ERLEC1: variants seen among roughly 807,000 people sequenced by gnomAD.
ERLEC1 encodes ER lectin.
ERLEC1 carries 47 observed loss-of-function variants against 68.0 expected under a neutral mutation model. That is an observed-to-expected ratio of 0.69 (90% CI 0.55 to 0.88). ERLEC1 has a LOEUF of 0.88. Among genes scored for constraint, ERLEC1 ranks in the 40% least tolerant of loss-of-function variants. The pLI, the probability that ERLEC1 is intolerant of heterozygous loss-of-function variation, is 0.00. For synonymous variants in ERLEC1, 225 were observed against 203.2 expected, an observed-to-expected ratio of 1.11 and a Z score of -0.91; for missense variants, 567 against 583.8, an observed-to-expected ratio of 0.97 and a Z score of 0.30.
chr2:53,817,306 T>C (rs1198564590), intron 13 of ERLEC1, among the ~76,000 whole-genome samples: 2 of 152,188 alleles, frequency 1.3e-5, no homozygotes, highest in East Asian at 3.9e-4. Flanking sequence ...GCTAATTTTT[T>C]GTATTTTTAG....
chr2:53,813,254 A>G (rs758869828), intron 11 of ERLEC1, among the ~76,000 whole-genome samples, 181 bp downstream of exon 11: 1 of 152,200 alleles, frequency 6.6e-6, no homozygotes, highest in Non-Finnish European at 1.5e-5. Flanking sequence ...TTCAGAGCAC[A>G]GTCCCTGGAG....
intron 8 of ERLEC1, among the ~76,000 whole-genome samples, chr2:53,803,162 A>C (rs933333881): frequency 6.6e-6 from 1 of 152,214 alleles, no homozygotes; most frequent in Non-Finnish European, 1.5e-5. Context: ...ACCAGAAGGC[A>C]GAAGAAACAT....
intron 1 of ERLEC1, among the ~76,000 whole-genome samples, chr2:53,791,328 G>A (rs981230993): frequency 1.3e-5 from 2 of 152,172 alleles, no homozygotes; most frequent in Non-Finnish European, 2.9e-5. Flanking sequence ...TTGACTTTGT[G>A]TCAAATCGCT....
chr2:53,817,749 A>G, intron 13 of ERLEC1, 149 bp from the exon 14 acceptor site: 1 of 574,182 alleles, frequency 1.7e-6, no homozygotes, highest in Non-Finnish European at 3.2e-6. Context: ...TTTTTCAAGA[A>G]GCTTAATTTG....
At chr2:53,809,348 G>T in intron 10 of ERLEC1, 75 bp downstream of exon 10, 1 of 1,001,052 alleles carries the variant, frequency 1.0e-6, no homozygotes. Context: ...GAAAAAAAGG[G>T]GGAATGGTAT....
intron 8 of ERLEC1, among the ~76,000 whole-genome samples, chr2:53,802,233 A>G (rs1297223932): frequency 6.6e-6 from 1 of 152,034 alleles, no homozygotes; most frequent in Non-Finnish European, 1.5e-5. Context: ...ATTTTAATAT[A>G]TTGTCTTCCA....
chr2:53,789,052 T>C (rs546571293), intron 1 of ERLEC1, among the ~76,000 whole-genome samples: 128 of 152,204 alleles, frequency 8.4e-4, no homozygotes, highest in African/African-American at 3.0e-3. Flanking sequence ...CTTTCAGTCT[T>C]AGCATTTGCT....
chr2:53,796,505 G>A (rs1332610695), intron 3 of ERLEC1, among the ~76,000 whole-genome samples: 1 of 151,586 alleles, frequency 6.6e-6, no homozygotes, highest in Non-Finnish European at 1.5e-5. Context: ...TGTCACCCAG[G>A]CTAGAGTATA....
At chr2:53,817,091 A>G (rs1397201986) in intron 13 of ERLEC1, among the ~76,000 whole-genome samples, 3 of 151,588 alleles carry the variant, frequency 2.0e-5, no homozygotes, top group Non-Finnish European at 4.4e-5. Flanking sequence ...TTTATCTCTT[A>G]ACATTTCCAC....
At chr2:53,799,381 C>T (rs1387956154) in intron 6 of ERLEC1, among the ~76,000 whole-genome samples, 1 of 152,086 alleles carries the variant, frequency 6.6e-6, no homozygotes, top group East Asian at 1.9e-4. Context: ...CTCTATATAA[C>T]ACTGGAAACT....
At chr2:53,791,938 G>A (rs1472710510) in intron 1 of ERLEC1, among the ~76,000 whole-genome samples, 1 of 140,780 alleles carries the variant, frequency 7.1e-6, no homozygotes, top group African/African-American at 2.6e-5. Context: ...AAAAGACGGA[G>A]CCTCGCTCTT....
intron 8 of ERLEC1, among the ~76,000 whole-genome samples, chr2:53,802,650 C>A (rs138313530): frequency 6.6e-6 from 1 of 152,200 alleles, no homozygotes; most frequent in Non-Finnish European, 1.5e-5. Flanking sequence ...AATCATCACT[C>A]GTGTAATACA....
At chr2:53,797,855 A>T in intron 5 of ERLEC1, 60 bp downstream of exon 5, 1 of 1,400,332 alleles carries the variant, frequency 7.1e-7, no homozygotes, top group Non-Finnish European at 1.0e-6. Context: ...ATATATGTTC[A>T]AAATGGAATT....
chr2:53,814,839 T>G, intron 12 of ERLEC1, 21 bp from the exon 13 acceptor site: 1 of 1,580,006 alleles, frequency 6.3e-7, no homozygotes, highest in Non-Finnish European at 8.7e-7. Context: ...GGACAGTACC[T>G]TAAAGTGCTC....
chr2:53,801,326 A>C, intron 6 of ERLEC1, 71 bp from the exon 7 acceptor site: 1 of 1,063,706 alleles, frequency 9.4e-7, no homozygotes, highest in Non-Finnish European at 1.4e-6. Flanking sequence ...CAGAATAATA[A>C]GTTCCTCTCC....
chr2:53,804,097 C>T (rs1211372977), intron 8 of ERLEC1, among the ~76,000 whole-genome samples: 3 of 152,106 alleles, frequency 2.0e-5, no homozygotes, highest in Non-Finnish European at 2.9e-5. Context: ...CACCACTGCA[C>T]TCCAGCCTGG....
At chr2:53,800,226 C>T (rs1013245695) in intron 6 of ERLEC1, among the ~76,000 whole-genome samples, 11 of 152,002 alleles carry the variant, frequency 7.2e-5, no homozygotes, top group Non-Finnish European at 1.2e-4. Context: ...AAACCAAGTT[C>T]GCAGTACCAT....
intron 6 of ERLEC1, 73 bp downstream of exon 6, chr2:53,799,154 T>G: frequency 8.0e-7 from 1 of 1,252,630 alleles, no homozygotes; most frequent in Non-Finnish European, 1.2e-6. Flanking sequence ...ATAACCCAAG[T>G]GACAGAATAT....
In ERLEC1 at chr2:53,814,554, AT is replaced by A. The variant is rs1558608129; in HGVS notation, c.1243del (p.Tyr415MetfsTer9). The A allele has an allele frequency of 6.2e-7, 1 of 1,610,532 alleles. No homozygotes were observed. The highest frequency in any genetic ancestry group is 8.5e-7 in the Non-Finnish European group (1 of 1,177,970). On this transcript the variant is annotated frameshift_variant, in exon 12 of 14. Transcript: ENST00000185150. LOFTEE classifies it high-confidence loss of function. ...DGTQTVRMVS[H>X]FYGNGDICDI... ...TTTCTCTGATTCAGGATGGTGTCAC[AT>A]TTTTATGGAAATGGAGATATTTGTG...
Sources: allele counts gnomAD v4.1 joint callset (sites outside exome capture counted in the v4.1 genomes callset), GRCh38; gene constraint gnomAD v4.1.1; transcripts MANE v1.5; gene names NCBI Gene and HGNC (gene_info 2026-07-23, HGNC 2026-07-21).